The following SGCZ variants were observed in gnomAD, a reference collection of about 807,000 sequenced individuals.
SGCZ encodes the protein zeta-sarcoglycan.
A neutral mutation model predicts 41.3 loss-of-function variants in SGCZ; 40 were observed. The observed-to-expected ratio is 0.97, with a 90% CI of 0.75 to 1.26. The LOEUF (loss-of-function observed/expected upper bound fraction) is 1.26. SGCZ is among the 50% of genes most tolerant of loss of function. SGCZ has a pLI of 0.00. For missense variants in SGCZ, 552 were observed against 369.8 expected (o/e 1.49, Z -4.04); for synonymous variants, 206 against 137.5 (o/e 1.50, Z -3.49).
At chr8:15,019,144 G>C (rs1272958619) in intron 1 of SGCZ, among the ~76,000 whole-genome samples, 2 of 152,202 alleles carry the variant, frequency 1.3e-5, no homozygotes, top group African/African-American at 4.8e-5. Context: ...AACTGGATGA[G>C]ATTTGGGCAG....
intron 2 of SGCZ, among the ~76,000 whole-genome samples, chr8:14,452,930 C>G (rs1800636307): frequency 6.6e-6 from 1 of 151,896 alleles, no homozygotes; most frequent in Admixed American, 6.6e-5. Flanking sequence ...TGGTGAAACC[C>G]AGTCTCTACC....
At chr8:14,970,891 C>T (rs537540476) in intron 1 of SGCZ, among the ~76,000 whole-genome samples, 2 of 152,114 alleles carry the variant, frequency 1.3e-5, no homozygotes, top group African/African-American at 2.4e-5. Context: ...TTGAGGAGAA[C>T]TGGCATGCTA....
In SGCZ at chr8:15,157,888, G is replaced by C. The variant is rs966202028; in HGVS notation, c.39+79697C>G. Reference sequence around the variant, plus strand: ...CCCATTTGGCCTACAAAGAAACGTAGAGACCATCTGGCCTTGTTGTTCCTC... The same window carrying C: ...CCCATTTGGCCTACAAAGAAACGTACAGACCATCTGGCCTTGTTGTTCCTC... On this transcript the variant is annotated intron_variant, in intron 1 of 7. Coordinates refer to ENST00000382080, the MANE Select transcript of SGCZ (RefSeq NM_139167.4). Among the ~76,000 whole-genome samples, 4 of 152,170 alleles carry C rather than the reference G, an allele frequency of 2.6e-5. No individual in the cohort carries two copies. In the East Asian group the frequency reaches 5.8e-4, roughly 22 times the overall value.
chr8:14,775,030 A>G (rs1268653674), intron 1 of SGCZ, among the ~76,000 whole-genome samples: 2 of 152,148 alleles, frequency 1.3e-5, no homozygotes. Context: ...AAGCACATAA[A>G]CAAATTATTC....
intron 4 of SGCZ, among the ~76,000 whole-genome samples, chr8:14,233,767 T>C (rs968349640): frequency 1.3e-5 from 2 of 151,496 alleles, no homozygotes. Flanking sequence ...AAACACTTTT[T>C]TCACCTATAA....
At chr8:14,433,610 G>C (rs1401448745) in intron 2 of SGCZ, among the ~76,000 whole-genome samples, 2 of 152,078 alleles carry the variant, frequency 1.3e-5, no homozygotes, top group African/African-American at 4.8e-5. Context: ...ATTTCTTGAT[G>C]GATAATTCAC....
intron 5 of SGCZ, among the ~76,000 whole-genome samples, chr8:14,139,134 T>A (rs1449426094): frequency 6.6e-6 from 1 of 152,250 alleles, no homozygotes; most frequent in Middle Eastern, 3.4e-3. Context: ...AGATGTTCTT[T>A]GAAACCAATG....
chr8:15,135,077 T>C (rs755091809), intron 1 of SGCZ, among the ~76,000 whole-genome samples: 11 of 152,168 alleles, frequency 7.2e-5, no homozygotes, highest in Admixed American at 5.2e-4. Context: ...GTCCTAAATA[T>C]GGTTCCCTAC....
At chr8:15,102,264 C>A (rs1271281629) in intron 1 of SGCZ, among the ~76,000 whole-genome samples, 2 of 152,084 alleles carry the variant, frequency 1.3e-5, no homozygotes, top group East Asian at 1.9e-4. Flanking sequence ...ATGGAGGAAC[C>A]TTCAATGCAG....
intron 1 of SGCZ, among the ~76,000 whole-genome samples, chr8:14,766,031 C>T (rs950013633): frequency 6.7e-6 from 1 of 149,900 alleles, no homozygotes; most frequent in Non-Finnish European, 1.5e-5. Flanking sequence ...GGCATGATCT[C>T]GGCTCACTGC....
intron 1 of SGCZ, among the ~76,000 whole-genome samples, chr8:14,800,355 A>G (rs1373400454): frequency 6.6e-6 from 1 of 152,180 alleles, no homozygotes; most frequent in Non-Finnish European, 1.5e-5. Flanking sequence ...GAGCAAAAAG[A>G]GGAATAGGGA....
intron 4 of SGCZ, among the ~76,000 whole-genome samples, chr8:14,213,117 G>C (rs1490387483): frequency 1.3e-5 from 2 of 151,994 alleles, no homozygotes; most frequent in Admixed American, 6.6e-5. Context: ...CAGAAGGAGA[G>C]GAGTAAGAAG....
intron 1 of SGCZ, among the ~76,000 whole-genome samples, chr8:14,926,609 T>C (rs1338086096): frequency 1.4e-5 from 2 of 143,826 alleles, no homozygotes; most frequent in Non-Finnish European, 3.0e-5. Flanking sequence ...AGTAGACAGT[T>C]TTTTGTTTGT....
At chr8:15,127,432 T>A (rs2116965083) in intron 1 of SGCZ, among the ~76,000 whole-genome samples, 1 of 152,296 alleles carries the variant, frequency 6.6e-6, no homozygotes, top group African/African-American at 2.4e-5. Context: ...AACTCAGGAC[T>A]TACTAGACCA....
chr8:15,014,926 G>A (rs541008739), intron 1 of SGCZ, among the ~76,000 whole-genome samples: 1 of 152,160 alleles, frequency 6.6e-6, no homozygotes, highest in East Asian at 1.9e-4. Context: ...CGCAAACCTG[G>A]TCTTCTCATT....
chr8:14,367,798 A>T (rs577880722), intron 2 of SGCZ, among the ~76,000 whole-genome samples: 28 of 152,218 alleles, frequency 1.8e-4, no homozygotes, highest in African/African-American at 6.5e-4. Context: ...ATTCAAAATG[A>T]GATATGGGTC....
intron 4 of SGCZ, among the ~76,000 whole-genome samples, chr8:14,198,861 C>T (rs2117064594): frequency 6.6e-6 from 1 of 152,324 alleles, no homozygotes; most frequent in East Asian, 1.9e-4. Flanking sequence ...ACACTTATCA[C>T]TTCCCCAATC....
At chr8:15,140,793 T>C (rs188328573) in intron 1 of SGCZ, among the ~76,000 whole-genome samples, 3 of 152,178 alleles carry the variant, frequency 2.0e-5, no homozygotes, top group Non-Finnish European at 4.4e-5. Context: ...GCTCATTCCA[T>C]CCTTATTTCA....
At position 14,248,988 on chromosome 8, in the gene SGCZ, C is replaced by T. The variant is rs1026146833; in HGVS notation, c.337-11309G>A. 3.9e-5 allele frequency among the ~76,000 whole-genome samples: 6 copies of T among 152,158 alleles called. No homozygotes were observed. The South Asian group carries it at 6.2e-4, about 16-fold the overall frequency. Reference sequence around the variant, plus strand: ...GATATAAACTCAAATAAGTACAACACAGTTATAGTACCTGTGATGGTTAGT... The same window carrying T: ...GATATAAACTCAAATAAGTACAACATAGTTATAGTACCTGTGATGGTTAGT... On this transcript the variant is annotated intron_variant, in intron 3 of 7. Coordinates refer to ENST00000382080, the MANE Select transcript of SGCZ (RefSeq NM_139167.4).
Sources: gnomAD v4.1 joint callset for allele counts (sites outside exome capture counted in the v4.1 genomes callset) on GRCh38, gnomAD v4.1.1 for gene constraint, MANE v1.5 for transcripts, NCBI Gene and HGNC (gene_info 2026-07-23, HGNC 2026-07-21) for gene names.